The following SPATA6 variants were observed in gnomAD, a reference collection of about 807,000 sequenced individuals.
SPATA6 encodes the protein spermatogenesis-associated protein 6.
A neutral mutation model predicts 65.3 loss-of-function variants in SPATA6; 56 were observed. That is an observed-to-expected ratio of 0.86 (90% CI 0.69 to 1.07). SPATA6 has a LOEUF of 1.07. Ranked by LOEUF, SPATA6 falls within the 50% of genes least tolerant of loss-of-function variation. The probability of loss-of-function intolerance (pLI) is 0.00; values close to 1 mark genes in which losing one functional copy is unlikely to be tolerated. For missense variants in SPATA6, 590 were observed against 594.8 expected (o/e 0.99, Z 0.08); for synonymous variants, 199 against 213.2 (o/e 0.93, Z 0.58).
intron 11 of SPATA6, among the ~76,000 whole-genome samples, chr1:48,335,696 G>C (rs1425781880): frequency 6.6e-6 from 1 of 152,086 alleles, no homozygotes; most frequent in Non-Finnish European, 1.5e-5. Context: ...GATAACCTAG[G>C]CAATACCATT....
chr1:48,263,140 A>G, the SPATA6 span: 3 of 152,004 alleles, frequency 2.0e-5, no homozygotes, highest in African/African-American at 7.2e-5. Context: ...ATACTTTTCT[A>G]TTTTTTCCTT....
At chr1:48,316,106 C>T (rs1265645286) in intron 11 of SPATA6, among the ~76,000 whole-genome samples, 1 of 152,120 alleles carries the variant, frequency 6.6e-6, no homozygotes, top group Non-Finnish European at 1.5e-5. Flanking sequence ...GGCCATACTG[C>T]CCAAGGTAAT....
At chr1:48,369,435 C>G (rs985592767) in intron 9 of SPATA6, among the ~76,000 whole-genome samples, 30 of 152,206 alleles carry the variant, frequency 2.0e-4, no homozygotes, top group Admixed American at 8.5e-4. Context: ...CCACCCAGTT[C>G]GAGCTTCCTG....
chr1:48,310,790 T>A (rs887924446), intron 11 of SPATA6, among the ~76,000 whole-genome samples: 9 of 152,182 alleles, frequency 5.9e-5, no homozygotes, highest in Non-Finnish European at 1.3e-4. Flanking sequence ...CATATTCTTT[T>A]CAAGTGCATA....
chr1:48,319,716 C>G (rs1269555316), intron 11 of SPATA6, among the ~76,000 whole-genome samples: 1 of 152,162 alleles, frequency 6.6e-6, no homozygotes, highest in Non-Finnish European at 1.5e-5. Flanking sequence ...GTTGACCCTG[C>G]ACCCCTGCTC....
intron 1 of SPATA6, among the ~76,000 whole-genome samples, chr1:48,459,218 A>C (rs920163094): frequency 3.3e-5 from 5 of 151,222 alleles, no homozygotes; most frequent in Admixed American, 6.6e-5. Flanking sequence ...AAAAAAAAAA[A>C]AAAAAAAGAA....
chr1:48,358,711 C>T (rs1267807957), intron 10 of SPATA6, among the ~76,000 whole-genome samples: 5 of 152,078 alleles, frequency 3.3e-5, no homozygotes, highest in South Asian at 2.1e-4. Flanking sequence ...CCTATGTTAA[C>T]GATTCCATGA....
the SPATA6 span, among the ~76,000 whole-genome samples, chr1:48,267,615 T>C: frequency 6.6e-6 from 1 of 152,138 alleles, no homozygotes; most frequent in Non-Finnish European, 1.5e-5. Flanking sequence ...CTACCTGGTC[T>C]ACAGGCGTCT....
At position 48,374,867 on chromosome 1, in the gene SPATA6, T is replaced by C. The variant is rs935910527; in HGVS notation, c.909+10442A>G. On this transcript the variant is annotated intron_variant, in intron 9 of 12. Transcript: ENST00000371847. Reference sequence around the variant, plus strand: ...CACTCAAGCCTAGTTCCCAAAACCATATAAATATCAGCCATTAACCTGCCT... The same window carrying C: ...CACTCAAGCCTAGTTCCCAAAACCACATAAATATCAGCCATTAACCTGCCT... Among the ~76,000 whole-genome samples, 10 of 152,308 alleles carry C rather than the reference T, an allele frequency of 6.6e-5. No homozygotes were observed. In the East Asian group the frequency reaches 9.6e-4, roughly 15 times the overall value.
chr1:48,318,100 A>G (rs1570092811), intron 11 of SPATA6, among the ~76,000 whole-genome samples: 1 of 152,226 alleles, frequency 6.6e-6, no homozygotes, highest in Admixed American at 6.5e-5. Context: ...AAATACCAAG[A>G]ACATTCAACA....
At chr1:48,376,932 A>C (rs1647988225) in intron 9 of SPATA6, among the ~76,000 whole-genome samples, 1 of 152,198 alleles carries the variant, frequency 6.6e-6, no homozygotes, top group African/African-American at 2.4e-5. Flanking sequence ...TAGACATTAT[A>C]ATCTTACAAA....
Position 48,295,411 on chromosome 1 carries a change from G to T in SPATA6, c.*3302C>A, listed in dbSNP as rs1269508622. Reference sequence around the variant, plus strand: ...TGGATTATTATTTAGTAATAAAAAGGAATGAAGTATTCATACGTGTTACAA... The same window carrying T: ...TGGATTATTATTTAGTAATAAAAAGTAATGAAGTATTCATACGTGTTACAA... On this transcript the variant is annotated 3_prime_UTR_variant, in exon 13 of 13. Transcript: ENST00000371847. 1 of 152,146 alleles carries T rather than the reference G, an allele frequency of 6.6e-6. No individual in the cohort carries two copies. Among genetic ancestry groups the T allele is most frequent in the Non-Finnish European group, 1.5e-5 (1 of 68,020 alleles). 9.4% of individuals were successfully genotyped at this position (152,146 alleles called of 1,614,324 possible).
chr1:48,276,336 A>C, the SPATA6 span, among the ~76,000 whole-genome samples: 4 of 151,310 alleles, frequency 2.6e-5, no homozygotes, highest in South Asian at 8.3e-4. Flanking sequence ...TCTCTTTCTC[A>C]TTCAGTTCTT....
chr1:48,361,459 G>C (rs1238639208), intron 9 of SPATA6, among the ~76,000 whole-genome samples: 3 of 152,118 alleles, frequency 2.0e-5, no homozygotes, highest in African/African-American at 7.2e-5. Context: ...AGTGACAAGA[G>C]TGAAAATCTG....
intron 1 of SPATA6, among the ~76,000 whole-genome samples, chr1:48,462,494 A>C (rs1657521197): frequency 6.6e-6 from 1 of 152,252 alleles, no homozygotes; most frequent in Non-Finnish European, 1.5e-5. Context: ...ACTGAAATAC[A>C]TCAAGGATAA....
rs936687438 is a variant in SPATA6, at chr1:48,295,615, T to G, written c.*3098A>C. 3 of 152,220 alleles carry G rather than the reference T, an allele frequency of 2.0e-5. No homozygotes were observed. The highest frequency in any genetic ancestry group is 7.2e-5 in the African/African-American group (3 of 41,476). The allele number at this position is 152,220 out of a possible 1,614,324, so 9.4% of individuals were successfully genotyped here. ...GAAGTGATCACTAATGGTTACAGGATTTCTTTTGGGAGTTATAAAATATTC... is the reference window on the plus strand; with the variant it reads ...GAAGTGATCACTAATGGTTACAGGAGTTCTTTTGGGAGTTATAAAATATTC... On this transcript the variant is annotated 3_prime_UTR_variant, in exon 13 of 13. Coordinates refer to ENST00000371847, the MANE Select transcript of SPATA6 (RefSeq NM_019073.4).
intron 11 of SPATA6, among the ~76,000 whole-genome samples, chr1:48,342,294 T>C (rs1214948867): frequency 6.6e-6 from 1 of 152,134 alleles, no homozygotes; most frequent in Non-Finnish European, 1.5e-5. Flanking sequence ...ACTGCAGCTA[T>C]ACAGCAATGA....
At chr1:48,394,765 A>T (rs759986493) in intron 8 of SPATA6, among the ~76,000 whole-genome samples, 2 of 152,054 alleles carry the variant, frequency 1.3e-5, no homozygotes, top group African/African-American at 4.8e-5. Context: ...CTCACTAGCC[A>T]ATGTCTACAG....
intron 11 of SPATA6, among the ~76,000 whole-genome samples, chr1:48,314,977 C>T (rs1645361212): frequency 6.6e-6 from 1 of 152,114 alleles, no homozygotes. Context: ...ATACACCCTC[C>T]CAAGACTAAA....
Sources: gnomAD v4.1 joint callset for allele counts (sites outside exome capture counted in the v4.1 genomes callset) on GRCh38, gnomAD v4.1.1 for gene constraint, MANE v1.5 for transcripts, NCBI Gene and HGNC (gene_info 2026-07-23, HGNC 2026-07-21) for gene names.